SLC9D1: variants seen among roughly 807,000 people sequenced by gnomAD.
SLC9D1 encodes putative LAG1-interacting protein.
chr13:113,547,460 C>A, the SLC9D1 span: 2 of 1,184,880 alleles, frequency 1.7e-6, no homozygotes. Flanking sequence ...TCCAGTGGGG[C>A]CCACATCGGG....
chr13:113,533,905 T>C, the SLC9D1 span: 3 of 695,154 alleles, frequency 4.3e-6, no homozygotes, highest in African/African-American at 5.4e-5. Flanking sequence ...ATAGGTGTTT[T>C]TGTATTTGAA....
the SLC9D1 span, among the ~76,000 whole-genome samples, chr13:113,522,426 C>T: frequency 1.3e-5 from 2 of 152,194 alleles, no homozygotes; most frequent in South Asian, 2.1e-4. Flanking sequence ...CTGCAAGCTC[C>T]GCCTCCCAGC....
chr13:113,514,681 G>A, the SLC9D1 span, among the ~76,000 whole-genome samples: 11 of 150,648 alleles, frequency 7.3e-5, no homozygotes, highest in Non-Finnish European at 1.0e-4. Context: ...TCGGGGTGCA[G>A]GCTGATGGGA....
the SLC9D1 span, among the ~76,000 whole-genome samples, chr13:113,517,786 G>C: frequency 5.3e-5 from 8 of 151,744 alleles, no homozygotes; most frequent in African/African-American, 1.9e-4. Context: ...TGAACTTTCA[G>C]AATAAGGTCA....
At chr13:113,535,383 T>C in the SLC9D1 span, 14 of 152,120 alleles carry the variant, frequency 9.2e-5, no homozygotes, top group Admixed American at 9.2e-4. The surrounding 1 kb of genome is among the most constrained non-coding windows in gnomAD (Gnocchi z 4.1). Flanking sequence ...ACAGCGCACC[T>C]GGGCACCGTC....
the SLC9D1 span, among the ~76,000 whole-genome samples, chr13:113,512,381 C>T: frequency 6.7e-6 from 1 of 149,908 alleles, no homozygotes; most frequent in Admixed American, 6.6e-5. Flanking sequence ...ACTCAGAGCC[C>T]CAGGGGCCGG....
chr13:113,548,516 G>T, the SLC9D1 span: 3 of 1,540,274 alleles, frequency 1.9e-6, no homozygotes, highest in Non-Finnish European at 1.7e-6. Context: ...GGTTTGAGTC[G>T]GGTGTGGCGA....
the SLC9D1 span, among the ~76,000 whole-genome samples, chr13:113,519,301 C>A: frequency 6.6e-6 from 1 of 151,774 alleles, no homozygotes; most frequent in Non-Finnish European, 1.5e-5. Flanking sequence ...CCACCTCAGC[C>A]TCCCAAAGTG....
chr13:113,502,694 A>C, the SLC9D1 span, among the ~76,000 whole-genome samples: 2 of 152,172 alleles, frequency 1.3e-5, no homozygotes, highest in Non-Finnish European at 2.9e-5. Flanking sequence ...AGCAGCGTGG[A>C]GAACGGGTGC....
chr13:113,546,881 G>C, the SLC9D1 span, among the ~76,000 whole-genome samples: 2 of 152,330 alleles, frequency 1.3e-5, no homozygotes, highest in Admixed American at 1.3e-4. The surrounding 1 kb of genome is among the most constrained non-coding windows in gnomAD (Gnocchi z 7.1). Context: ...AATAAAGGAA[G>C]GAAAGGAACA....
At chr13:113,513,485 T>C in the SLC9D1 span, among the ~76,000 whole-genome samples, 4 of 152,090 alleles carry the variant, frequency 2.6e-5, no homozygotes, top group African/African-American at 7.2e-5. Context: ...GCTAAAACTC[T>C]AGATAGTAAG....
chr13:113,531,633 C>T, the SLC9D1 span, among the ~76,000 whole-genome samples: 2 of 141,350 alleles, frequency 1.4e-5, no homozygotes, highest in African/African-American at 2.7e-5. Flanking sequence ...CACGGCGCCC[C>T]GTACGTGCAG....
At chr13:113,538,030 T>C in the SLC9D1 span, among the ~76,000 whole-genome samples, 11 of 151,324 alleles carry the variant, frequency 7.3e-5, no homozygotes, top group Admixed American at 2.0e-4. Flanking sequence ...CATGTGTACA[T>C]GTGTGGGGTA....
At chr13:113,528,268 C>G in the SLC9D1 span, 2 of 152,136 alleles carry the variant, frequency 1.3e-5, no homozygotes, top group Non-Finnish European at 2.9e-5. Context: ...CCAGTGACTC[C>G]CCTGGGGAGG....
At chr13:113,498,778 G>T in the SLC9D1 span, 1 of 358,872 alleles carries the variant, frequency 2.8e-6, no homozygotes, top group East Asian at 7.0e-5. Flanking sequence ...GAGGCCAGAT[G>T]GATTGGGACA....
chr13:113,548,311 G>A, the SLC9D1 span: 2 of 1,613,894 alleles, frequency 1.2e-6, no homozygotes, highest in Non-Finnish European at 8.5e-7. Context: ...AGTTTCTCCT[G>A]GCGGCGCTGG....
the SLC9D1 span, chr13:113,548,207 A>T: frequency 7.1e-7 from 1 of 1,406,474 alleles, no homozygotes; most frequent in Non-Finnish European, 9.8e-7. Flanking sequence ...GGACCATCGC[A>T]GCGTGCCTGT....
At chr13:113,515,808 G>A in the SLC9D1 span, among the ~76,000 whole-genome samples, 1 of 149,900 alleles carries the variant, frequency 6.7e-6, no homozygotes, top group South Asian at 2.1e-4. Flanking sequence ...GAAGAATGGC[G>A]TGAACCCGGG....
the SLC9D1 span, among the ~76,000 whole-genome samples, chr13:113,517,661 G>T: frequency 6.6e-6 from 1 of 152,080 alleles, no homozygotes; most frequent in Admixed American, 6.6e-5. Context: ...GGTCAAAAAC[G>T]GCAAGTCGCA....
Sources: gnomAD v4.1 joint callset for allele counts (sites outside exome capture counted in the v4.1 genomes callset) on GRCh38, gnomAD v4.1.1 for gene constraint, Gnocchi (gnomAD v3.1) non-coding constraint, MANE v1.5 for transcripts, NCBI Gene and HGNC (gene_info 2026-07-23, HGNC 2026-07-21) for gene names.